The following EYS variants were observed in gnomAD, a reference collection of about 807,000 sequenced individuals.
The protein encoded by EYS is protein eyes shut homolog.
In EYS, 250 loss-of-function variants were observed where a neutral mutation model predicts 282.1. The ratio of observed to expected loss-of-function variants is 0.89; its 90% CI spans 0.80 to 0.98. EYS has a LOEUF of 0.98. Ranked by LOEUF, EYS falls within the 50% of genes least tolerant of loss-of-function variation. EYS has a pLI of 0.00. For synonymous variants in EYS, 1,355 were observed against 1,282.9 expected (o/e 1.06, Z -1.20); for missense variants, 4,016 against 3,709.0 (o/e 1.08, Z -2.15).
At chr6:65,334,518 C>A (rs185265171) in intron 11 of EYS, among the ~76,000 whole-genome samples, 19 of 151,960 alleles carry the variant, frequency 1.3e-4, no homozygotes, top group African/African-American at 4.3e-4. Context: ...TATTCTCTTG[C>A]CCTGGCCTCC....
At chr6:64,683,687 C>T (rs1248950008) in intron 22 of EYS, among the ~76,000 whole-genome samples, 1 of 152,114 alleles carries the variant, frequency 6.6e-6, no homozygotes, top group Non-Finnish European at 1.5e-5. Flanking sequence ...GTGCAAATTA[C>T]ACACAAAAAG....
chr6:64,659,099 C>T (rs1191444153), intron 22 of EYS, among the ~76,000 whole-genome samples: 1 of 151,954 alleles, frequency 6.6e-6, no homozygotes, highest in Non-Finnish European at 1.5e-5. Flanking sequence ...AACCGCTCAA[C>T]TACATGGAAA....
intron 24 of EYS, among the ~76,000 whole-genome samples, chr6:64,613,663 GTAATTGATGAAATGC>G: frequency 6.6e-6 from 1 of 152,074 alleles, no homozygotes; most frequent in Admixed American, 6.6e-5. Context: ...AAAACAAACT[GTAATTGATGAAATGC>G]TGGAGGCTCA....
chr6:64,845,891 T>G (rs1289758131), intron 19 of EYS, among the ~76,000 whole-genome samples: 2 of 152,116 alleles, frequency 1.3e-5, no homozygotes, highest in African/African-American at 2.4e-5. Context: ...TCTAATACTT[T>G]TATAAGTCTG....
At chr6:63,936,611 T>C (rs1765066417) in intron 35 of EYS, among the ~76,000 whole-genome samples, 1 of 152,334 alleles carries the variant, frequency 6.6e-6, no homozygotes, top group East Asian at 1.9e-4. Flanking sequence ...GATTCACCCA[T>C]TTATTCACAC....
chr6:64,045,590 C>T (rs1582194546), intron 33 of EYS, among the ~76,000 whole-genome samples: 2 of 151,344 alleles, frequency 1.3e-5, no homozygotes, highest in South Asian at 2.1e-4. Flanking sequence ...TGATTACAGG[C>T]ACCCGCCACC....
At position 65,673,797 on chromosome 6, in the gene EYS, A is replaced by C. The variant is rs1029786125; in HGVS notation, c.-448+33338T>G. ...GGTATTATGTCTTACAGAAGGGAAGATATAACCGCGGTGGCCTTTTCAGAC... is the reference window on the plus strand; with the variant it reads ...GGTATTATGTCTTACAGAAGGGAAGCTATAACCGCGGTGGCCTTTTCAGAC... On this transcript the variant is annotated intron_variant, in intron 1 of 42. Transcript: ENST00000503581. 3.9e-5 allele frequency among the ~76,000 whole-genome samples: 6 copies of C among 151,986 alleles called. No individual in the cohort carries two copies. The East Asian group carries it at 1.2e-3, about 30-fold the overall frequency.
At chr6:64,120,645 G>A (rs184780951) in intron 31 of EYS, among the ~76,000 whole-genome samples, 76 of 152,144 alleles carry the variant, frequency 5.0e-4, no homozygotes, top group African/African-American at 1.8e-3. Flanking sequence ...AAATCGACTG[G>A]GAGTCAGGAG....
chr6:65,130,605 A>G (rs1775841948), intron 12 of EYS, among the ~76,000 whole-genome samples: 1 of 151,854 alleles, frequency 6.6e-6, no homozygotes, highest in Admixed American at 6.6e-5. Flanking sequence ...AATAATGAGA[A>G]CAGATGGACT....
intron 12 of EYS, among the ~76,000 whole-genome samples, chr6:65,283,160 T>C (rs1159332913): frequency 2.6e-5 from 4 of 151,964 alleles, no homozygotes; most frequent in African/African-American, 9.7e-5. Flanking sequence ...TAAAACAATA[T>C]GACTCAATAT....
At position 65,281,138 on chromosome 6, in the gene EYS, A is replaced by G. The variant is rs142055430; in HGVS notation, c.2023+14725T>C. Among the ~76,000 whole-genome samples the G allele has an allele frequency of 2.3e-4, 35 of 151,480 alleles. 1 individual carries two copies. In the East Asian group the frequency reaches 6.6e-3, roughly 29 times the overall value. ...ATATGTACATATACATCATTAATAA[A>G]GTGATACTTGGAAAATCTGGAATAT... On this transcript the variant is annotated intron_variant, in intron 12 of 42. Transcript: ENST00000503581.
chr6:64,174,657 A>G (rs150819925), intron 31 of EYS, among the ~76,000 whole-genome samples: 28 of 151,922 alleles, frequency 1.8e-4, no homozygotes, highest in Middle Eastern at 4.6e-3. Context: ...ATGTAAAGAT[A>G]TTGAAGATAA....
At chr6:65,124,800 A>G (rs1206927718) in intron 12 of EYS, among the ~76,000 whole-genome samples, 2 of 152,198 alleles carry the variant, frequency 1.3e-5, no homozygotes, top group East Asian at 1.9e-4. Context: ...TTTACTTAGA[A>G]ATTACCAACA....
In EYS at chr6:64,081,411, AC is replaced by A. The variant is rs1263233314; in HGVS notation, c.6571+444del. 2.0e-4 allele frequency among the ~76,000 whole-genome samples: 31 copies of A among 152,072 alleles called. No homozygotes were observed. The South Asian group carries it at 5.8e-3, about 28-fold the overall frequency. On this transcript the variant is annotated intron_variant, in intron 32 of 42. Coordinates refer to ENST00000503581, the MANE Select transcript of EYS (RefSeq NM_001142800.2). ...TACTGTTAATACTACTTAAAAAAAA[AC>A]CAGCTTATATCAAGATAATAGATGT... is the stretch of plus-strand genomic sequence containing the variant.
At chr6:65,573,664 T>A (rs1764557043) in intron 2 of EYS, among the ~76,000 whole-genome samples, 1 of 152,164 alleles carries the variant, frequency 6.6e-6, no homozygotes, top group Non-Finnish European at 1.5e-5. Context: ...AGCCTACCTT[T>A]CAGATACTGG....
At chr6:64,895,677 G>A (rs2150068178) in intron 18 of EYS, among the ~76,000 whole-genome samples, 1 of 152,188 alleles carries the variant, frequency 6.6e-6, no homozygotes, top group Non-Finnish European at 1.5e-5. Flanking sequence ...CAACCAAGAA[G>A]GCACTACAGA....
At chr6:63,997,001 A>C (rs1054831285) in intron 34 of EYS, among the ~76,000 whole-genome samples, 4 of 152,182 alleles carry the variant, frequency 2.6e-5, no homozygotes, top group Non-Finnish European at 5.9e-5. Context: ...GTACTGAAAA[A>C]TACTATTTTG....
intron 22 of EYS, among the ~76,000 whole-genome samples, chr6:64,702,374 T>TG (rs2149925280): frequency 6.6e-6 from 1 of 152,202 alleles, no homozygotes; most frequent in Admixed American, 6.5e-5. Context: ...AAAGAAGACA[T>TG]GCACACATGC....
intron 19 of EYS, among the ~76,000 whole-genome samples, chr6:64,843,384 G>A (rs1765623775): frequency 6.6e-6 from 1 of 152,188 alleles, no homozygotes; most frequent in African/African-American, 2.4e-5. Context: ...ATGCCAGCCT[G>A]TGAAAGCAGC....
Sources: allele counts gnomAD v4.1 joint callset (sites outside exome capture counted in the v4.1 genomes callset), GRCh38; gene constraint gnomAD v4.1.1; transcripts MANE v1.5; gene names NCBI Gene and HGNC (gene_info 2026-07-23, HGNC 2026-07-21).